Variants in ODF2L observed in about 807,000 individuals in gnomAD.
ODF2L encodes the protein protein BCAP.
In ODF2L, 76 loss-of-function variants were observed where a neutral mutation model predicts 86.3. That is an observed-to-expected ratio of 0.88 (90% CI 0.73 to 1.07). The LOEUF is 1.07. Among genes scored for constraint, ODF2L ranks in the 50% least tolerant of loss-of-function variants. The probability of loss-of-function intolerance (pLI) is 0.00; values close to 1 mark genes in which losing one functional copy is unlikely to be tolerated. For synonymous variants in ODF2L, 241 were observed against 231.3 expected (o/e 1.04, Z -0.38); for missense variants, 748 against 717.4 (o/e 1.04, Z -0.49).
intron 1 of ODF2L, among the ~76,000 whole-genome samples, chr1:86,392,376 T>G (rs1661395096): frequency 6.6e-6 from 1 of 152,072 alleles, no homozygotes; most frequent in African/African-American, 2.4e-5. Context: ...GAAAAGATAC[T>G]TGCACATGCA....
chr1:86,392,008 T>A (rs1223698789), intron 1 of ODF2L, among the ~76,000 whole-genome samples: 2 of 151,314 alleles, frequency 1.3e-5, no homozygotes. Context: ...AGAAAAAAAA[T>A]CCCATCAAAA....
intron 7 of ODF2L, among the ~76,000 whole-genome samples, chr1:86,379,029 T>C (rs1252762869): frequency 6.7e-6 from 1 of 150,322 alleles, no homozygotes; most frequent in African/African-American, 2.5e-5. Flanking sequence ...AATCAGGTTG[T>C]TTAAAAGTGT....
intron 7 of ODF2L, among the ~76,000 whole-genome samples, chr1:86,377,912 C>T (rs1389446054): frequency 1.3e-5 from 2 of 152,190 alleles, no homozygotes; most frequent in South Asian, 2.1e-4. Flanking sequence ...ATTATTTATG[C>T]CAATTTATGC....
chr1:86,383,075 C>G, intron 5 of ODF2L, 59 bp downstream of exon 5: 1 of 1,294,008 alleles, frequency 7.7e-7, no homozygotes, highest in South Asian at 1.2e-5. Flanking sequence ...TAAAACCAAG[C>G]AGCATGCAAA....
At chr1:86,380,238 C>A (rs1660470525) in intron 7 of ODF2L, among the ~76,000 whole-genome samples, 2 of 152,008 alleles carry the variant, frequency 1.3e-5, no homozygotes, top group Admixed American at 1.3e-4. Flanking sequence ...TCTTAACTGC[C>A]ACTAAAATTG....
At chr1:86,385,481 T>C (rs745842147) in exon 3 of ODF2L, 16 of 1,589,752 alleles carry the variant, frequency 1.0e-5, no homozygotes, top group Admixed American at 5.0e-5. Flanking sequence ...ATCTTTTCAA[T>C]GGTGTCCTTA....
downstream of ODF2L, chr1:86,347,158 A>G (rs1657847089): frequency 6.6e-6 from 1 of 152,232 alleles, no homozygotes; most frequent in Non-Finnish European, 1.5e-5. Context: ...ACTTTAAACA[A>G]GTTTCATACC....
intron 11 of ODF2L, among the ~76,000 whole-genome samples, chr1:86,366,598 T>A (rs1659455214): frequency 2.0e-5 from 2 of 98,414 alleles, no homozygotes; most frequent in Admixed American, 1.0e-4. Context: ...AGAGCAAGAC[T>A]CTGTCTCAAA....
In ODF2L at chr1:86,356,621, G is replaced by A. The variant is rs747277212; in HGVS notation, c.1360-19C>T. Reference sequence around the variant, plus strand: ...CTCTCATCTGAGTTGTGGCAGTAGGGAAATAAGTGCAAGATCACACATTCA... The same window carrying A: ...CTCTCATCTGAGTTGTGGCAGTAGGAAAATAAGTGCAAGATCACACATTCA... On this transcript the variant is annotated intron_variant, in intron 13 of 17. Coordinates refer to ENST00000317336, the Ensembl canonical transcript of ODF2L. 2 of 1,604,456 alleles carry A rather than the reference G, an allele frequency of 1.2e-6. No homozygotes were observed. Among genetic ancestry groups the A allele is most frequent in the South Asian group, 2.2e-5 (2 of 89,738 alleles).
chr1:86,356,566 C>G (rs1368489643), exon 14 of ODF2L: 1 of 1,614,038 alleles, frequency 6.2e-7, no homozygotes, highest in East Asian at 2.2e-5. Context: ...CAGACACGCT[C>G]TAACTCCTTC....
chr1:86,384,527 A>C, intron 4 of ODF2L, 149 bp downstream of exon 4: 1 of 398,990 alleles, frequency 2.5e-6, no homozygotes, highest in Non-Finnish European at 4.2e-6. Context: ...ACTACTTATG[A>C]AACACTAAAG....
chr1:86,348,674 ATATT>A, downstream of ODF2L: 2 of 1,189,864 alleles, frequency 1.7e-6, no homozygotes, highest in Non-Finnish European at 2.2e-6. Context: ...AACTGGTAGT[ATATT>A]TATTTTTTTA....
chr1:86,366,397 C>A (rs939661509), intron 11 of ODF2L, among the ~76,000 whole-genome samples: 2 of 117,848 alleles, frequency 1.7e-5, no homozygotes, highest in African/African-American at 4.2e-5. Flanking sequence ...CACCTACACA[C>A]ACACACACAC....
At chr1:86,385,587 C>T (rs963406292) in exon 3 of ODF2L, 3 of 1,609,760 alleles carry the variant, frequency 1.9e-6, no homozygotes, top group African/African-American at 2.7e-5. Context: ...TGTCCTGCTT[C>T]AGGCTAATTA....
chr1:86,385,435 TTA>T, intron 3 of ODF2L, 21 bp downstream of exon 3: 1 of 1,440,208 alleles, frequency 6.9e-7, no homozygotes, highest in East Asian at 2.3e-5. Context: ...TTTCATTTTA[TTA>T]TATATTCATA....
intron 7 of ODF2L, among the ~76,000 whole-genome samples, chr1:86,377,247 T>C (rs1183611019): frequency 6.6e-6 from 1 of 152,184 alleles, no homozygotes; most frequent in Non-Finnish European, 1.5e-5. Flanking sequence ...CACATCTAGG[T>C]CATGCTGATG....
chr1:86,386,904 G>C lies in ODF2L; in HGVS notation c.113+11C>G. ...GGAAATTTAGATTTCCCCTGATACT[G>C]ATGAGAATACCAGCTGAGATGACTT... On this transcript the variant is annotated intron_variant, in intron 2 of 17. Transcript: ENST00000317336. 7.4e-7 allele frequency: 1 copy of C among 1,360,092 alleles called. No individual in the cohort carries two copies. The highest frequency in any genetic ancestry group is 1.0e-6 in the Non-Finnish European group (1 of 953,986). 84.3% of individuals were successfully genotyped at this position (1,360,092 alleles called of 1,614,324 possible).
intron 7 of ODF2L, among the ~76,000 whole-genome samples, chr1:86,380,517 CAT>C (rs1362045609): frequency 1.3e-5 from 2 of 152,110 alleles, no homozygotes; most frequent in Non-Finnish European, 2.9e-5. Context: ...AACTTCTAAA[CAT>C]AGAAACTAAA....
At chr1:86,372,477 C>T in exon 9 of ODF2L, 1 of 1,519,282 alleles carries the variant, frequency 6.6e-7, no homozygotes, top group African/African-American at 1.4e-5. Flanking sequence ...TTTTCTATCA[C>T]AATTTTCTCA....
Sources: allele counts gnomAD v4.1 joint callset (sites outside exome capture counted in the v4.1 genomes callset), GRCh38; gene constraint gnomAD v4.1.1; transcripts MANE v1.5; gene names NCBI Gene and HGNC (gene_info 2026-07-23, HGNC 2026-07-21).